GRIN2B: variants seen among roughly 807,000 people sequenced by gnomAD.
GRIN2B encodes glutamate ionotropic receptor NMDA type subunit 2B, also known as glutamate receptor ionotropic, NMDA 2B.
GRIN2B carries 5 observed loss-of-function variants against 114.5 expected under a neutral mutation model. The ratio of observed to expected loss-of-function variants is 0.04; its 90% CI spans 0.02 to 0.09. The LOEUF (loss-of-function observed/expected upper bound fraction) is 0.09. Ranked by LOEUF, GRIN2B falls within the 10% of genes least tolerant of loss-of-function variation. The pLI is 1.00. For missense variants in GRIN2B, 1,108 were observed against 1,943.5 expected (o/e 0.57, Z 8.08); for synonymous variants, 787 against 745.1 (o/e 1.06, Z -0.92).
chr12:13,955,135 TAAATA>T (rs1867567311), intron 2 of GRIN2B, among the ~76,000 whole-genome samples: 1 of 152,150 alleles, frequency 6.6e-6, no homozygotes, highest in African/African-American at 2.4e-5. Context: ...ATATTTGAAG[TAAATA>T]AAATATTATA....
chr12:13,678,264 T>TC (rs2136543181), intron 4 of GRIN2B, among the ~76,000 whole-genome samples: 1 of 152,268 alleles, frequency 6.6e-6, no homozygotes, highest in Admixed American at 6.5e-5. Context: ...AGTTCTCCTG[T>TC]CCAGCCCACC....
chr12:13,855,108 C>T (rs1333882789), intron 3 of GRIN2B, among the ~76,000 whole-genome samples: 2 of 148,306 alleles, frequency 1.3e-5, no homozygotes, highest in South Asian at 4.3e-4. Context: ...ATCCCAGCTA[C>T]TCAGGAGGCT....
chr12:13,939,417 G>A (rs207472665), intron 2 of GRIN2B, among the ~76,000 whole-genome samples: 2 of 152,018 alleles, frequency 1.3e-5, no homozygotes, highest in Non-Finnish European at 2.9e-5. Context: ...AAAGAGCATG[G>A]CATGCCTCCC....
intron 10 of GRIN2B, among the ~76,000 whole-genome samples, chr12:13,587,457 C>T (rs914119756): frequency 2.4e-4 from 37 of 151,310 alleles, no homozygotes; most frequent in South Asian, 8.3e-4. Context: ...TGGGCTCAAG[C>T]GATCTTCCCA....
intron 3 of GRIN2B, among the ~76,000 whole-genome samples, chr12:13,815,988 C>T (rs1393410807): frequency 6.6e-6 from 1 of 152,134 alleles, no homozygotes; most frequent in Non-Finnish European, 1.5e-5. Flanking sequence ...CCCTGCAGTT[C>T]CTCAGGTATG....
At chr12:13,681,143 A>G (rs1319299454) in intron 4 of GRIN2B, among the ~76,000 whole-genome samples, 1 of 152,154 alleles carries the variant, frequency 6.6e-6, no homozygotes, top group Non-Finnish European at 1.5e-5. Context: ...TTCCCAGCCA[A>G]CCAACAGCCC....
In GRIN2B at chr12:13,827,425, T is replaced by C. The variant is rs1322017728; in HGVS notation, c.411+38373A>G. ...CTCTAATTATATACATGTGGACTGA[T>C]AGATAATTTCCTATGAGTCTCTAAA... On this transcript the variant is annotated intron_variant, in intron 3 of 13. Coordinates refer to ENST00000609686, the MANE Select transcript of GRIN2B (RefSeq NM_000834.5). 3.9e-5 allele frequency among the ~76,000 whole-genome samples: 6 copies of C among 152,046 alleles called. 1 individual carries two copies. Among genetic ancestry groups the C allele is most frequent in the Admixed American group, 6.5e-5 (1 of 15,272 alleles).
At chr12:13,901,743 G>A (rs972830522) in intron 2 of GRIN2B, among the ~76,000 whole-genome samples, 2 of 151,848 alleles carry the variant, frequency 1.3e-5, no homozygotes. Flanking sequence ...TAATATAGTT[G>A]AATTTATCAA....
intron 4 of GRIN2B, among the ~76,000 whole-genome samples, chr12:13,722,958 T>A (rs1862906013): frequency 6.6e-6 from 1 of 152,004 alleles, no homozygotes; most frequent in Non-Finnish European, 1.5e-5. Flanking sequence ...TTCAGCCAAC[T>A]TCACGGAGCA....
chr12:13,934,941 G>A (rs1331621750), intron 2 of GRIN2B, among the ~76,000 whole-genome samples: 3 of 152,152 alleles, frequency 2.0e-5, no homozygotes, highest in East Asian at 3.9e-4. Flanking sequence ...TAAAAAATCC[G>A]ATCACAATCA....
intron 9 of GRIN2B, among the ~76,000 whole-genome samples, chr12:13,611,301 C>A (rs1949363037): frequency 6.6e-6 from 1 of 152,158 alleles, no homozygotes. Flanking sequence ...GGAACTCAAC[C>A]AGCCACAACC....
intron 3 of GRIN2B, among the ~76,000 whole-genome samples, chr12:13,823,986 C>A (rs564429762): frequency 2.0e-5 from 3 of 152,220 alleles, no homozygotes; most frequent in South Asian, 4.2e-4. Context: ...GGGATAAACA[C>A]CTCTTAGATA....
In GRIN2B at chr12:13,842,054, A is replaced by T. The variant is rs565314838; in HGVS notation, c.411+23744T>A. Among the ~76,000 whole-genome samples, 28 of 152,278 alleles carry T rather than the reference A, an allele frequency of 1.8e-4. No individual in the cohort carries two copies. In the South Asian group the frequency reaches 5.6e-3, roughly 30 times the overall value. ...AGAGGCTGTGTGCCTGGAAGGAGCA[A>T]AGTCCCCACCAAGACTGGTTCCCTC... On this transcript the variant is annotated intron_variant, in intron 3 of 13. Coordinates refer to ENST00000609686, the MANE Select transcript of GRIN2B (RefSeq NM_000834.5).
At chr12:13,672,163 C>T (rs933307363) in intron 5 of GRIN2B, among the ~76,000 whole-genome samples, 6 of 152,028 alleles carry the variant, frequency 3.9e-5, no homozygotes, top group African/African-American at 1.4e-4. Flanking sequence ...TTTTGCAGTC[C>T]CAGAAGTTAG....
At chr12:13,686,720 C>T (rs1950176733) in intron 4 of GRIN2B, among the ~76,000 whole-genome samples, 1 of 152,106 alleles carries the variant, frequency 6.6e-6, no homozygotes, top group African/African-American at 2.4e-5. Context: ...GTAATCTTTG[C>T]TTTTGCCTCT....
chr12:13,918,637 A>T (rs1433661586), intron 2 of GRIN2B, among the ~76,000 whole-genome samples: 5 of 152,236 alleles, frequency 3.3e-5, no homozygotes, highest in Non-Finnish European at 7.3e-5. Context: ...TTTTCAATGC[A>T]CGCTCTGCAA....
intron 4 of GRIN2B, among the ~76,000 whole-genome samples, chr12:13,719,829 C>G (rs1950491188): frequency 6.6e-6 from 1 of 152,122 alleles, no homozygotes; most frequent in African/African-American, 2.4e-5. Flanking sequence ...AGGGCAATCA[C>G]TCTCGTTACT....
At chr12:13,621,388 T>C (rs911457328) in intron 5 of GRIN2B, among the ~76,000 whole-genome samples, 10 of 152,046 alleles carry the variant, frequency 6.6e-5, no homozygotes, top group African/African-American at 2.4e-4. Flanking sequence ...ATGCTTGAGA[T>C]TAAAATATGA....
At chr12:13,763,534 G>A (rs1481951540) in intron 3 of GRIN2B, among the ~76,000 whole-genome samples, 1 of 152,158 alleles carries the variant, frequency 6.6e-6, no homozygotes. Context: ...ACCTACAGAT[G>A]CCAGCTGGGG....
Sources: allele counts gnomAD v4.1 joint callset (sites outside exome capture counted in the v4.1 genomes callset), GRCh38; gene constraint gnomAD v4.1.1; transcripts MANE v1.5; gene names NCBI Gene and HGNC (gene_info 2026-07-23, HGNC 2026-07-21).